The following SOX6 variants were observed in gnomAD, a reference collection of about 807,000 sequenced individuals.
SOX6 encodes SRY-box transcription factor 6.
In SOX6, 11 loss-of-function variants were observed where a neutral mutation model predicts 97.8. That is an observed-to-expected ratio of 0.11 (90% CI 0.07 to 0.19). The LOEUF (loss-of-function observed/expected upper bound fraction) is 0.19. Ranked by LOEUF, SOX6 falls within the 10% of genes least tolerant of loss-of-function variation. The pLI is 1.00. For synonymous variants in SOX6, 360 were observed against 371.4 expected, an observed-to-expected ratio of 0.97 and a Z score of 0.35; for missense variants, 810 against 1,039.5, an observed-to-expected ratio of 0.78 and a Z score of 3.04.
At chr11:16,572,210 T>C (rs1341436058) in intron 4 of SOX6, among the ~76,000 whole-genome samples, 2 of 152,188 alleles carry the variant, frequency 1.3e-5, no homozygotes, top group Non-Finnish European at 2.9e-5. Context: ...ACTGAGAAGA[T>C]ATGCATTTTA....
At chr11:16,630,935 A>C (rs942841618) in intron 3 of SOX6, among the ~76,000 whole-genome samples, 1 of 152,146 alleles carries the variant, frequency 6.6e-6, no homozygotes, top group Non-Finnish European at 1.5e-5. Flanking sequence ...CATGTGCATG[A>C]CAGACCTTTC....
chr11:16,098,709 T>C (rs1848863561), intron 7 of SOX6, among the ~76,000 whole-genome samples: 3 of 151,926 alleles, frequency 2.0e-5, no homozygotes, highest in African/African-American at 7.2e-5. Flanking sequence ...TATATTTTAA[T>C]AGGCTGTTCC....
chr11:16,513,658 A>C (rs1331590544), intron 4 of SOX6, among the ~76,000 whole-genome samples: 1 of 151,950 alleles, frequency 6.6e-6, no homozygotes, highest in African/African-American at 2.4e-5. Flanking sequence ...AAACAAACAA[A>C]CCAGCAAACG....
At chr11:15,991,204 C>T (rs1021339598) in intron 13 of SOX6, among the ~76,000 whole-genome samples, 11 of 152,154 alleles carry the variant, frequency 7.2e-5, no homozygotes, top group Non-Finnish European at 1.6e-4. Context: ...TAATATGATA[C>T]CTTTTTGCCA....
At chr11:16,139,596 C>G in intron 6 of SOX6, among the ~76,000 whole-genome samples, 1 of 151,970 alleles carries the variant, frequency 6.6e-6, no homozygotes, top group East Asian at 1.9e-4. Flanking sequence ...TTAAGCACCT[C>G]CTCACTTTCT....
chr11:16,347,260 T>C lies in SOX6; in HGVS notation c.-4-6008A>G, dbSNP rs138530041. The stretch of plus-strand genomic sequence containing the variant: ...GTTTCTTCCTGGGATCAAAACAACT[T>C]GACTTCATGTAACCTCTATCTATAC... On this transcript the variant is annotated intron_variant, in intron 1 of 15. Transcript: ENST00000683767. Among the ~76,000 whole-genome samples the C allele has an allele frequency of 3.2e-3, 487 of 152,248 alleles. 2 individuals are homozygous for C. The highest frequency in any genetic ancestry group is 0.011 in the African/African-American group (461 of 41,582).
intron 6 of SOX6, among the ~76,000 whole-genome samples, chr11:16,172,754 G>C (rs1851071951): frequency 6.6e-6 from 1 of 151,908 alleles, no homozygotes; most frequent in Non-Finnish European, 1.5e-5. Context: ...CAAATATATG[G>C]AAAATGAAAA....
chr11:16,426,775 G>A (rs965816044), intron 1 of SOX6, among the ~76,000 whole-genome samples: 15 of 150,778 alleles, frequency 9.9e-5, no homozygotes, highest in Admixed American at 3.3e-4. Context: ...TTAGCCGGGC[G>A]TAGTGGCGGG....
chr11:16,727,084 A>G (rs959576382), intron 2 of SOX6, among the ~76,000 whole-genome samples: 1 of 152,196 alleles, frequency 6.6e-6, no homozygotes, highest in Non-Finnish European at 1.5e-5. Flanking sequence ...TTCAAAAGAC[A>G]GAAAAAGCAT....
intron 15 of SOX6, among the ~76,000 whole-genome samples, chr11:15,975,992 T>A (rs531402468): frequency 2.1e-4 from 32 of 152,262 alleles, no homozygotes; most frequent in African/African-American, 6.0e-4. Context: ...GTGAGATGCA[T>A]GATATTCAAA....
At chr11:16,642,151 C>A (rs1590031280) in intron 3 of SOX6, among the ~76,000 whole-genome samples, 2 of 152,270 alleles carry the variant, frequency 1.3e-5, no homozygotes, top group South Asian at 4.2e-4. Flanking sequence ...TATTTTATTT[C>A]TCTTTCACTT....
At chr11:16,253,349 C>CAAAAAA (rs112725769) in intron 3 of SOX6, among the ~76,000 whole-genome samples, 1 of 146,410 alleles carries the variant, frequency 6.8e-6, no homozygotes. Flanking sequence ...AATTCCGTGT[C>CAAAAAA]AAAAAAAAAA....
intron 3 of SOX6, among the ~76,000 whole-genome samples, chr11:16,235,064 G>A (rs1051332465): frequency 2.6e-5 from 4 of 151,898 alleles, no homozygotes; most frequent in Admixed American, 2.0e-4. Flanking sequence ...CAAAATGTAT[G>A]TGCTGTGCAA....
chr11:15,977,339 A>G (rs911898323), intron 15 of SOX6, among the ~76,000 whole-genome samples: 1 of 151,844 alleles, frequency 6.6e-6, no homozygotes, highest in Admixed American at 6.6e-5. Flanking sequence ...TGTCATTTTC[A>G]TCTGTCACTC....
chr11:16,456,959 T>A (rs1590210967), intron 1 of SOX6, among the ~76,000 whole-genome samples: 1 of 152,034 alleles, frequency 6.6e-6, no homozygotes, highest in Non-Finnish European at 1.5e-5. Context: ...AATCAAAGGT[T>A]TTTAAACTTT....
At chr11:16,711,946 A>G (rs571915211) in intron 3 of SOX6, among the ~76,000 whole-genome samples, 1 of 152,252 alleles carries the variant, frequency 6.6e-6, no homozygotes, top group East Asian at 1.9e-4. Flanking sequence ...TAGCTCCCAC[A>G]TATCAGTGAG....
At chr11:16,185,654 G>C (rs1299196494) in intron 5 of SOX6, among the ~76,000 whole-genome samples, 9 of 152,260 alleles carry the variant, frequency 5.9e-5, no homozygotes, top group African/African-American at 1.7e-4. Context: ...ATTACAAAGT[G>C]TTCACTGTAA....
At chr11:16,387,490 T>C (rs926629035) in intron 1 of SOX6, among the ~76,000 whole-genome samples, 1 of 151,988 alleles carries the variant, frequency 6.6e-6, no homozygotes, top group Non-Finnish European at 1.5e-5. Context: ...AAGAACCAGA[T>C]AGTGGCAAGC....
At chr11:16,575,462 C>T (rs1847974230) in intron 4 of SOX6, among the ~76,000 whole-genome samples, 1 of 152,102 alleles carries the variant, frequency 6.6e-6, no homozygotes. Flanking sequence ...TTTATAGCAG[C>T]ATTGTTCATA....
Sources: allele counts gnomAD v4.1 joint callset (sites outside exome capture counted in the v4.1 genomes callset), GRCh38; gene constraint gnomAD v4.1.1; transcripts MANE v1.5; gene names NCBI Gene and HGNC (gene_info 2026-07-23, HGNC 2026-07-21).